SLC12A2: variants seen among roughly 807,000 people sequenced by gnomAD.
SLC12A2 encodes the protein Na-K-2Cl cotransporter 1.
In SLC12A2, 67 loss-of-function variants were observed where a neutral mutation model predicts 136.3. The ratio of observed to expected loss-of-function variants is 0.49; its 90% CI spans 0.40 to 0.60. The LOEUF (loss-of-function observed/expected upper bound fraction) is 0.60, where lower values mean the gene tolerates loss of function less well. Ranked by LOEUF, SLC12A2 falls within the 20% of genes least tolerant of loss-of-function variation. The probability of loss-of-function intolerance (pLI) is 0.00; values close to 1 mark genes in which losing one functional copy is unlikely to be tolerated. For synonymous variants in SLC12A2, 619 were observed against 562.9 expected, an observed-to-expected ratio of 1.10 and a Z score of -1.41; for missense variants, 1,322 against 1,534.7, an observed-to-expected ratio of 0.86 and a Z score of 2.32.
At chr5:128,142,658 TTCTGTTGATCTTCGTG>T (rs932132275) in intron 10 of SLC12A2, among the ~76,000 whole-genome samples, 2 of 152,132 alleles carry the variant, frequency 1.3e-5, no homozygotes, top group Admixed American at 1.3e-4. Flanking sequence ...CTTGATTCTG[TTCTGTTGATCTTCGTG>T]TCTGTCCTTG....
In SLC12A2 at chr5:128,141,911, G is replaced by A. The variant is rs1762377804; in HGVS notation, c.1703G>A (p.Cys568Tyr). ...TELTNCTSAA[C>Y]KLNFDFSSCE... is the part of the protein sequence containing the mutation. ...CTAACAAACTGTACTTCTGCAGCCT[G>A]CAAATTAAACTTTGATTTTTCATCT... Residue 568 changes from cysteine (C) to tyrosine (Y), a missense_variant, in exon 10 of 27, where the codon TGC (cysteine) becomes TAC (tyrosine). By Grantham distance (194) the Cys-to-Tyr change is radical. Coordinates refer to ENST00000262461, the MANE Select transcript of SLC12A2 (RefSeq NM_001046.3). 6.2e-7 allele frequency: 1 copy of A among 1,613,886 alleles called. No individual in the cohort carries two copies. The highest frequency in any genetic ancestry group is 1.1e-5 in the South Asian group (1 of 91,078).
At chr5:128,113,736 A>C (rs1442394987) in intron 2 of SLC12A2, among the ~76,000 whole-genome samples, 1 of 152,026 alleles carries the variant, frequency 6.6e-6, no homozygotes, top group East Asian at 1.9e-4. Flanking sequence ...AACTTTTACA[A>C]CTAATTTGAA....
At chr5:128,108,736 C>T (rs1004203029) in intron 1 of SLC12A2, among the ~76,000 whole-genome samples, 7 of 152,088 alleles carry the variant, frequency 4.6e-5, no homozygotes, top group South Asian at 4.1e-4. Flanking sequence ...TGTAGATATA[C>T]GAAAAATCAT....
chr5:128,110,256 G>C, intron 1 of SLC12A2: 1 of 808,640 alleles, frequency 1.2e-6, no homozygotes, highest in Non-Finnish European at 2.2e-6. Context: ...ACCTTTTCCT[G>C]GTGTGGCTCC....
At chr5:128,136,442 C>T (rs1158983587) in intron 7 of SLC12A2, among the ~76,000 whole-genome samples, 1 of 152,072 alleles carries the variant, frequency 6.6e-6, no homozygotes, top group African/African-American at 2.4e-5. Flanking sequence ...TGTGAAGTTG[C>T]TGTTTTTTTC....
Position 128,114,302 on chromosome 5 carries a change from A to G in SLC12A2, c.952+15A>G, listed in dbSNP as rs947839642. 1.2e-5 allele frequency: 19 copies of G among 1,592,976 alleles called. No homozygotes were observed. Among genetic ancestry groups the G allele is most frequent in the Non-Finnish European group, 1.5e-5 (17 of 1,162,158 alleles). ...AGCTGGAATAGGTAAGTGAAGTTAT[A>G]TCCTGCTTGATTTGAGAATAAGCAA... On this transcript the variant is annotated intron_variant, in intron 3 of 26. Transcript: ENST00000262461.
rs936051190 is a variant in SLC12A2, at chr5:128,189,168, T to C, written c.*2537T>C. On this transcript the variant is annotated 3_prime_UTR_variant, in exon 27 of 27. Transcript: ENST00000262461. The stretch of plus-strand genomic sequence containing the variant: ...AAAATTTTCAAGGTTATAGTACTTA[T>C]TTCAACAATTCTTAGAGATGCTAGC... The C allele has an allele frequency of 2.6e-5, 4 of 152,186 alleles. No homozygotes were observed. Among genetic ancestry groups the C allele is most frequent in the African/African-American group, 7.2e-5 (3 of 41,458 alleles). 9.4% of individuals were successfully genotyped at this position (152,186 alleles called of 1,614,324 possible).
chr5:128,174,156 G>T (rs887907315), intron 19 of SLC12A2, among the ~76,000 whole-genome samples: 2 of 152,154 alleles, frequency 1.3e-5, no homozygotes, highest in African/African-American at 4.8e-5. Flanking sequence ...TACAGTTTGT[G>T]TATCTATATC....
intron 5 of SLC12A2, 114 bp from the exon 6 acceptor site, chr5:128,134,051 T>C (rs1483787198): frequency 1.7e-6 from 1 of 589,124 alleles, no homozygotes; most frequent in Non-Finnish European, 3.1e-6. Context: ...AGCAACCATT[T>C]ATTCAACTTC....
At position 128,158,072 on chromosome 5, in the gene SLC12A2, A is replaced by G. The variant is rs1371275927; in HGVS notation, c.2383A>G (p.Thr795Ala). Residue 795 changes from threonine to alanine, a missense_variant, in exon 16 of 27, where the codon ACA becomes GCA. Coordinates refer to ENST00000262461, the MANE Select transcript of SLC12A2 (RefSeq NM_001046.3). ...KNFRPQCLVMTGAPNSRPALL... is the reference protein window; with the variant it reads ...KNFRPQCLVMAGAPNSRPALL... ...AATTAGGCCACAGTGTCTTGTTATG[A>G]CAGGTGCTCCAAACTCACGTCCAGC... 6.2e-7 allele frequency: 1 copy of G among 1,613,144 alleles called. No homozygotes were observed. The highest frequency in any genetic ancestry group is 1.7e-5 in the Admixed American group (1 of 59,858).
At chr5:128,146,147 C>T (rs2081021599) in intron 10 of SLC12A2, among the ~76,000 whole-genome samples, 1 of 151,720 alleles carries the variant, frequency 6.6e-6, no homozygotes, top group African/African-American at 2.4e-5. Flanking sequence ...GTCTTTTTCT[C>T]CTCAAATAAG....
At chr5:128,114,333 C>G in intron 3 of SLC12A2, 46 bp downstream of exon 3, 1 of 1,430,290 alleles carries the variant, frequency 7.0e-7, no homozygotes, top group Non-Finnish European at 9.8e-7. Flanking sequence ...AGCAAAATAA[C>G]TGTGTCTGAG....
chr5:128,091,947 T>C (rs777068686), intron 1 of SLC12A2, among the ~76,000 whole-genome samples: 3 of 152,190 alleles, frequency 2.0e-5, no homozygotes, highest in Non-Finnish European at 4.4e-5. Context: ...TGGGTAAGTG[T>C]GAATTAGTTC....
chr5:128,085,260 G>C (rs1245895590), intron 1 of SLC12A2, among the ~76,000 whole-genome samples: 1 of 151,978 alleles, frequency 6.6e-6, no homozygotes, highest in African/African-American at 2.4e-5. Flanking sequence ...AAGGATCATA[G>C]AGATCTTGTC....
chr5:128,084,008 C>T lies in SLC12A2; in HGVS notation c.54C>T (p.Val18=), dbSNP rs1289586585. 2.0e-5 allele frequency: 25 copies of T among 1,253,296 alleles called. No individual in the cohort carries two copies. The highest frequency in any genetic ancestry group is 3.2e-5 in the East Asian group (1 of 31,136). The allele number at this position is 1,253,296 out of a possible 1,614,324, so 77.6% of individuals were successfully genotyped here. ...PSSGAPGLAG[V]GETPSAAALA... Reference sequence around the variant, plus strand: ...CCGGCGCCCCGGGACTGGCCGGGGTCGGGGAGACGCCGTCAGCCGCTGCGC... The same window carrying T: ...CCGGCGCCCCGGGACTGGCCGGGGTTGGGGAGACGCCGTCAGCCGCTGCGC... Residue 18 remains valine (V), a synonymous_variant, in exon 1 of 27, where the codon GTC becomes GTT. Coordinates refer to ENST00000262461, the MANE Select transcript of SLC12A2 (RefSeq NM_001046.3). This position sits in a 1 kb window ranked among gnomAD's most constrained non-coding sequence, Gnocchi z 5.6.
At chr5:128,128,246 T>C (rs1003578983) in intron 4 of SLC12A2, among the ~76,000 whole-genome samples, 1 of 152,172 alleles carries the variant, frequency 6.6e-6, no homozygotes, top group Admixed American at 6.5e-5. Context: ...TTGATTAGCC[T>C]AGTTAGGGTT....
At position 128,131,048 on chromosome 5, in the gene SLC12A2, T is replaced by TTTGG; in HGVS notation, c.1049-16_1049-15insGTTG. The stretch of plus-strand genomic sequence containing the variant: ...CTAACTTTAGTACCTGTTTTTTTTG[T>TTTGG]TTGTTTGTTTGTTTTTAGGAGGAGC... On this transcript the variant is annotated intron_variant, in intron 4 of 26. Coordinates refer to ENST00000262461, the MANE Select transcript of SLC12A2 (RefSeq NM_001046.3). 1 of 1,609,238 alleles carries TTTGG rather than the reference T, an allele frequency of 6.2e-7. No homozygotes were observed. Among genetic ancestry groups the TTTGG allele is most frequent in the Non-Finnish European group, 8.5e-7 (1 of 1,177,160 alleles).
chr5:128,155,126 G>A (rs1762834643), intron 15 of SLC12A2, among the ~76,000 whole-genome samples: 1 of 152,142 alleles, frequency 6.6e-6, no homozygotes, highest in Non-Finnish European at 1.5e-5. Flanking sequence ...AGTGTCTGTA[G>A]CACAGAGACG....
intron 1 of SLC12A2, among the ~76,000 whole-genome samples, chr5:128,095,816 G>T (rs532821248): frequency 1.3e-5 from 2 of 152,154 alleles, no homozygotes; most frequent in South Asian, 2.1e-4. Context: ...GTGGTTTTTA[G>T]AGTTTTCCTG....
Sources: allele counts gnomAD v4.1 joint callset (sites outside exome capture counted in the v4.1 genomes callset), GRCh38; gene constraint gnomAD v4.1.1; non-coding constraint Gnocchi (gnomAD v3.1); transcripts MANE v1.5; gene names NCBI Gene and HGNC (gene_info 2026-07-23, HGNC 2026-07-21).